P2RX7: variants seen among roughly 807,000 people sequenced by gnomAD.
P2RX7 encodes the protein purinergic receptor P2X 7, also known as P2X purinoceptor 7.
In P2RX7, 62 loss-of-function variants were observed where a neutral mutation model predicts 71.6. That is an observed-to-expected ratio of 0.87 (90% CI 0.71 to 1.07). P2RX7 has a LOEUF of 1.07. Among genes scored for constraint, P2RX7 ranks in the 50% least tolerant of loss-of-function variants. P2RX7 has a pLI of 0.00. For synonymous variants in P2RX7, 299 were observed against 283.3 expected (o/e 1.06, Z -0.56); for missense variants, 686 against 748.5 (o/e 0.92, Z 0.97).
At chr12:121,177,556 C>A (rs574247079) in intron 11 of P2RX7, 110 bp downstream of exon 11, 1 of 1,071,056 alleles carries the variant, frequency 9.3e-7, no homozygotes, top group Non-Finnish European at 1.4e-6. Flanking sequence ...GTAGTGGATA[C>A]GTCGCTGGGT....
intron 4 of P2RX7, 65 bp downstream of exon 4, chr12:121,161,039 G>C: frequency 5.7e-6 from 7 of 1,220,776 alleles, no homozygotes; most frequent in Non-Finnish European, 8.5e-6. Context: ...TGACATTTGT[G>C]ATGCCCAGGT....
intron 1 of P2RX7, among the ~76,000 whole-genome samples, chr12:121,152,663 G>A (rs1196346180): frequency 6.6e-6 from 1 of 152,204 alleles, no homozygotes; most frequent in East Asian, 1.9e-4. Context: ...GGGATTACAG[G>A]CTCACGCCAC....
rs1347066187 is a variant in P2RX7, at chr12:121,186,516, C to G, written c.*1714C>G. On this transcript the variant is annotated 3_prime_UTR_variant, in exon 13 of 13. Coordinates refer to ENST00000328963, the MANE Select transcript of P2RX7 (RefSeq NM_002562.6). ...AAATCAGGTAACTCACCAGACCAGC[C>G]TTGGAATCTATCAAATCTAACTGCT... The G allele has an allele frequency of 6.6e-6, 1 of 152,284 alleles. No individual in the cohort carries two copies. Among genetic ancestry groups the G allele is most frequent in the Non-Finnish European group, 1.5e-5 (1 of 68,096 alleles). The allele number at this position is 152,284 out of a possible 1,614,324, so 9.4% of individuals were successfully genotyped here.
chr12:121,156,187 G>A (rs761391468), intron 3 of P2RX7, 40 bp downstream of exon 3: 5 of 1,534,308 alleles, frequency 3.3e-6, no homozygotes, highest in South Asian at 1.1e-5. Context: ...GGTCTTAAGA[G>A]TTCCTGGGGG....
intron 9 of P2RX7, among the ~76,000 whole-genome samples, chr12:121,176,563 C>T (rs911107097): frequency 6.6e-6 from 1 of 151,920 alleles, no homozygotes; most frequent in Admixed American, 6.6e-5. Flanking sequence ...CCAGCCTGGC[C>T]AACATGGTGA....
rs11065457 is a variant in P2RX7, at chr12:121,150,422, G to A, written c.126-4363G>A. On this transcript the variant is annotated intron_variant, in intron 1 of 12. Transcript: ENST00000328963. ...TGACCCAGTGTTGTTCCAGGAGAAC[G>A]TTGCAACATCCAGCATGAGAAAGCG... 2.6e-3 allele frequency among the ~76,000 whole-genome samples: 389 copies of A among 152,312 alleles called. 2 individuals carry two copies. The South Asian group carries it at 0.027, about 10-fold the overall frequency.
At chr12:121,135,051 CT>C (rs1188005334) in intron 1 of P2RX7, among the ~76,000 whole-genome samples, 1 of 151,882 alleles carries the variant, frequency 6.6e-6, no homozygotes, top group Non-Finnish European at 1.5e-5. Context: ...TAAAAATAAT[CT>C]TTTTAAGTCT....
At chr12:121,162,557 G>A (rs746498082) in intron 5 of P2RX7, 37 bp downstream of exon 5, 2 of 1,605,282 alleles carry the variant, frequency 1.2e-6, no homozygotes, top group Non-Finnish European at 1.7e-6. Flanking sequence ...GTGGCCCTCA[G>A]CGGCGACCAG....
chr12:121,143,920 A>G (rs570590637), intron 1 of P2RX7, among the ~76,000 whole-genome samples: 1 of 152,336 alleles, frequency 6.6e-6, no homozygotes, highest in African/African-American at 2.4e-5. Context: ...CACCGGTTTT[A>G]AATATACATT....
intron 12 of P2RX7, among the ~76,000 whole-genome samples, chr12:121,180,792 G>A (rs528120788): frequency 4.6e-5 from 7 of 151,966 alleles, no homozygotes; most frequent in African/African-American, 1.2e-4. Flanking sequence ...GTGAAACCTC[G>A]TCTCTACTAA....
In P2RX7 at chr12:121,155,939, G is replaced by T. The variant is rs1045611179; in HGVS notation, c.295-140G>T. 1.6e-5 allele frequency: 12 copies of T among 737,376 alleles called. No individual in the cohort carries two copies. The Admixed American group carries it at 2.5e-4, about 15-fold the overall frequency. The allele number at this position is 737,376 out of a possible 1,614,324, so 45.7% of individuals were successfully genotyped here. ...GTCCAGCTTTGATATTAAGCCCTTGGCATATTCCAAGTTGCCCACAGATCC... is the reference window on the plus strand; with the variant it reads ...GTCCAGCTTTGATATTAAGCCCTTGTCATATTCCAAGTTGCCCACAGATCC... On this transcript the variant is annotated intron_variant, in intron 2 of 12. Transcript: ENST00000328963.
At chr12:121,161,293 G>A (rs1044826582) in intron 4 of P2RX7, among the ~76,000 whole-genome samples, 1 of 152,138 alleles carries the variant, frequency 6.6e-6, no homozygotes, top group Non-Finnish European at 1.5e-5. Flanking sequence ...TTCCTCAAAG[G>A]TTGAGGACCA....
At chr12:121,181,994 G>A (rs1210827515) in intron 12 of P2RX7, among the ~76,000 whole-genome samples, 3 of 151,408 alleles carry the variant, frequency 2.0e-5, no homozygotes, top group African/African-American at 7.3e-5. Context: ...AACCTGGGAG[G>A]CAGAGGCTGC....
intron 11 of P2RX7, among the ~76,000 whole-genome samples, chr12:121,179,221 A>G (rs545979607): frequency 6.6e-6 from 1 of 152,244 alleles, no homozygotes; most frequent in African/African-American, 2.4e-5. Flanking sequence ...ACGATTGGCT[A>G]GACGTGGTGG....
intron 8 of P2RX7, among the ~76,000 whole-genome samples, chr12:121,168,115 T>A (rs1449808733): frequency 6.6e-6 from 1 of 151,250 alleles, no homozygotes; most frequent in African/African-American, 2.4e-5. Context: ...TCCTATGAGA[T>A]AATAGCATAT....
At chr12:121,160,771 A>AC in intron 3 of P2RX7, 131 bp from the exon 4 acceptor site, 1 of 792,028 alleles carries the variant, frequency 1.3e-6, no homozygotes. Flanking sequence ...CGTGGTTTCC[A>AC]CTTTTTTGGC....
At chr12:121,175,704 T>G (rs1472096487) in intron 9 of P2RX7, among the ~76,000 whole-genome samples, 1 of 152,116 alleles carries the variant, frequency 6.6e-6, no homozygotes, top group East Asian at 1.9e-4. Context: ...ACATTCGGCT[T>G]TAAAAATACT....
At chr12:121,162,203 T>C (rs1182326077) in intron 4 of P2RX7, 10 of 1,330,788 alleles carry the variant, frequency 7.5e-6, no homozygotes, top group African/African-American at 1.5e-5. Context: ...ATCCACAGTC[T>C]TTCTGTGTTC....
chr12:121,154,379 G>A lies in P2RX7; in HGVS notation c.126-406G>A, dbSNP rs189022196. 2.3e-3 allele frequency among the ~76,000 whole-genome samples: 354 copies of A among 152,236 alleles called. 2 individuals carry two copies. The highest frequency in any genetic ancestry group is 8.0e-3 in the African/African-American group (331 of 41,552). Reference sequence around the variant, plus strand: ...GGGTGTTTCTGAAAATGCACCAGATGCAGCCTTAGACTGGAAGGTGCTGAT... The same window carrying A: ...GGGTGTTTCTGAAAATGCACCAGATACAGCCTTAGACTGGAAGGTGCTGAT... On this transcript the variant is annotated intron_variant, in intron 1 of 12. Transcript: ENST00000328963. This position sits in a 1 kb window ranked among gnomAD's most constrained non-coding sequence, Gnocchi z 4.2.
Sources: allele counts gnomAD v4.1 joint callset (sites outside exome capture counted in the v4.1 genomes callset), GRCh38; gene constraint gnomAD v4.1.1; non-coding constraint Gnocchi (gnomAD v3.1); transcripts MANE v1.5; gene names NCBI Gene and HGNC (gene_info 2026-07-23, HGNC 2026-07-21).